ANKRD2: variants seen among roughly 807,000 people sequenced by gnomAD.
ANKRD2 encodes the protein ankyrin repeat domain-containing protein 2.
ANKRD2 carries 35 observed loss-of-function variants against 37.3 expected under a neutral mutation model. That is an observed-to-expected ratio of 0.94 (90% confidence interval 0.72 to 1.24). The LOEUF is 1.24. Ranked by LOEUF, ANKRD2 falls within the 50% of genes most tolerant of loss-of-function variation. ANKRD2 has a pLI of 0.00. For missense variants in ANKRD2, 410 were observed against 445.6 expected (o/e 0.92, Z 0.72); for synonymous variants, 159 against 186.5 (o/e 0.85, Z 1.20).
chr10:97,572,998 G>A, intron 1 of ANKRD2, 123 bp downstream of exon 1: 13 of 1,301,556 alleles, frequency 1.0e-5, no homozygotes, highest in Non-Finnish European at 1.3e-5. Flanking sequence ...CAGGGGCCCA[G>A]TTGGGCCTCA....
At chr10:97,580,233 C>T (rs2040880880) in intron 4 of ANKRD2, among the ~76,000 whole-genome samples, 1 of 152,160 alleles carries the variant, frequency 6.6e-6, no homozygotes, top group Non-Finnish European at 1.5e-5. Flanking sequence ...GACATGTAAC[C>T]AGATCATTAG....
At chr10:97,572,977 G>C in intron 1 of ANKRD2, 102 bp downstream of exon 1, 3 of 1,435,406 alleles carry the variant, frequency 2.1e-6, no homozygotes, top group Non-Finnish European at 2.8e-6. Flanking sequence ...GGGGAGGGGG[G>C]CAGATGTCCC....
chr10:97,578,765 G>A (rs998933108), intron 4 of ANKRD2, among the ~76,000 whole-genome samples, 160 bp downstream of exon 4: 3 of 152,118 alleles, frequency 2.0e-5, no homozygotes, highest in African/African-American at 4.8e-5. Context: ...TCCCTTCCCC[G>A]TACAGGAATT....
intron 4 of ANKRD2, among the ~76,000 whole-genome samples, chr10:97,580,502 A>G (rs539702248): frequency 8.5e-5 from 13 of 152,306 alleles, no homozygotes; most frequent in African/African-American, 3.1e-4. Flanking sequence ...GCCCTGGCCT[A>G]GAGGTTTCAA....
intron 4 of ANKRD2, among the ~76,000 whole-genome samples, chr10:97,580,567 C>T (rs2040884167): frequency 6.6e-6 from 1 of 152,150 alleles, no homozygotes; most frequent in Non-Finnish European, 1.5e-5. Context: ...TTATCAAGCA[C>T]TCCCAGGAAG....
intron 2 of ANKRD2, 96 bp from the exon 3 acceptor site, chr10:97,578,144 G>GGCCCCCC: frequency 5.8e-6 from 4 of 685,444 alleles, no homozygotes; most frequent in South Asian, 1.8e-5. Flanking sequence ...GGGTCTTCCT[G>GGCCCCCC]CCCACCCCAC....
In ANKRD2 at chr10:97,581,320, A is replaced by C; in HGVS notation, c.560A>C (p.Asp187Ala). The C allele has an allele frequency of 6.2e-7, 1 of 1,613,990 alleles. No individual in the cohort carries two copies. Among genetic ancestry groups the C allele is most frequent in the African/African-American group, 1.3e-5 (1 of 75,026 alleles). ...GATVDFQDRL[D>A]CTAMHWACRG... is the part of the protein sequence containing the mutation. Reference sequence around the variant, plus strand: ...GACCCCCTCATTTCTTTCTAGCTGGACTGCACAGCCATGCATTGGGCCTGC... The same window carrying C: ...GACCCCCTCATTTCTTTCTAGCTGGCCTGCACAGCCATGCATTGGGCCTGC... The change falls in exon 6 of 9, where the codon GAC becomes GCC. Residue 187 changes from aspartate to alanine, a missense_variant. Coordinates refer to ENST00000370655, the MANE Select transcript of ANKRD2 (RefSeq NM_001346793.2).
intron 1 of ANKRD2, 51 bp downstream of exon 1, chr10:97,572,926 G>C (rs766501613): frequency 6.5e-7 from 1 of 1,527,596 alleles, no homozygotes; most frequent in East Asian, 2.5e-5. Flanking sequence ...ATCCAGTTCT[G>C]CTGTCAAGGG....
chr10:97,582,368 G>C lies in ANKRD2; in HGVS notation c.708G>C (p.Val236=). 6.4e-7 allele frequency: 1 copy of C among 1,562,750 alleles called. No individual in the cohort carries two copies. Among genetic ancestry groups the C allele is most frequent in the Non-Finnish European group, 8.7e-7 (1 of 1,152,908 alleles). The part of the protein sequence containing the change: ...VAVRTGQVEI[V]EHFLSLGLEI... The stretch of plus-strand genomic sequence containing the variant: ...TCCGGACAGGGCAGGTGGAGATTGT[G>C]GAGCACTTTCTATCCCTGGGCCTGG... The change falls in exon 7 of 9, where the codon GTG becomes GTC. Residue 236 remains valine (V), a synonymous_variant. Transcript: ENST00000370655.
upstream of ANKRD2, chr10:97,572,737 G>C (rs1363411308): frequency 1.0e-5 from 16 of 1,604,792 alleles, no homozygotes; most frequent in African/African-American, 1.3e-5. Flanking sequence ...GGGCAGGGGT[G>C]GGTGCTCTGG....
chr10:97,574,297 G>A (rs963231711), intron 1 of ANKRD2, among the ~76,000 whole-genome samples: 3 of 150,524 alleles, frequency 2.0e-5, no homozygotes, highest in African/African-American at 4.9e-5. Flanking sequence ...AAAAAAAAAA[G>A]GGGACTCCTC....
At chr10:97,581,495 AG>A in intron 6 of ANKRD2, 81 bp downstream of exon 6, 1 of 1,402,690 alleles carries the variant, frequency 7.1e-7, no homozygotes, top group Non-Finnish European at 1.0e-6. Flanking sequence ...AGGAAAGCCT[AG>A]GGGGCAGGAA....
At chr10:97,578,431 C>G in intron 3 of ANKRD2, 33 bp downstream of exon 3, 1 of 1,611,372 alleles carries the variant, frequency 6.2e-7, no homozygotes, top group Non-Finnish European at 8.5e-7. Flanking sequence ...CGCGAGGGGG[C>G]GGAGGGGGAG....
rs140448774 is a variant in ANKRD2, at chr10:97,577,775, G to T, written c.88-25G>T. 7.6e-4 allele frequency: 1,167 copies of T among 1,535,282 alleles called. 13 individuals carry two copies. In the African/African-American group the frequency reaches 0.012, roughly 16 times the overall value. On this transcript the variant is annotated intron_variant, in intron 1 of 8. Transcript: ENST00000370655. ...GCTGCCTGTCTCCTCGGGTCCTGGAGAAGGTGCCCTCTTTGGATCACCAGA... is the reference window on the plus strand; with the variant it reads ...GCTGCCTGTCTCCTCGGGTCCTGGATAAGGTGCCCTCTTTGGATCACCAGA...
At chr10:97,583,220 C>G (rs1411036462) in intron 8 of ANKRD2, among the ~76,000 whole-genome samples, 1 of 152,054 alleles carries the variant, frequency 6.6e-6, no homozygotes, top group Non-Finnish European at 1.5e-5. Context: ...ATGGGAGAGT[C>G]CCTCGGGCTC....
intron 4 of ANKRD2, among the ~76,000 whole-genome samples, chr10:97,579,545 T>C (rs2040870818): frequency 6.6e-6 from 1 of 152,090 alleles, no homozygotes; most frequent in African/African-American, 2.4e-5. Context: ...TTCAGTGGCA[T>C]TAATTACATT....
intron 4 of ANKRD2, 55 bp downstream of exon 4, chr10:97,578,660 C>A: frequency 7.3e-7 from 1 of 1,361,412 alleles, no homozygotes; most frequent in Non-Finnish European, 1.0e-6. Context: ...ACCCCCACTC[C>A]GTTCGGCTCC....
chr10:97,582,647 ACAAAATCAT>A lies in ANKRD2; in HGVS notation c.802_810del (p.Ile268_Lys270del). On this transcript the variant is annotated inframe_deletion, in exon 8 of 9. Coordinates refer to ENST00000370655, the MANE Select transcript of ANKRD2 (RefSeq NM_001346793.2). ...CATGACGCTGTGAGGCTCAACCGCT[ACAAAATCAT>A]CAAACTGCTGCTCCTGCATGGGGCT... 1 of 1,614,178 alleles carries A rather than the reference ACAAAATCAT, an allele frequency of 6.2e-7. No homozygotes were observed. Among genetic ancestry groups the A allele is most frequent in the South Asian group, 1.1e-5 (1 of 91,088 alleles).
chr10:97,577,736 TG>T, intron 1 of ANKRD2, 63 bp from the exon 2 acceptor site: 1 of 1,312,830 alleles, frequency 7.6e-7, no homozygotes, highest in South Asian at 1.4e-5. Flanking sequence ...GTCCTTGGTG[TG>T]GTTGGGGGAG....
Sources: gnomAD v4.1 joint callset for allele counts (sites outside exome capture counted in the v4.1 genomes callset) on GRCh38, gnomAD v4.1.1 for gene constraint, MANE v1.5 for transcripts, NCBI Gene and HGNC (gene_info 2026-07-23, HGNC 2026-07-21) for gene names.